PIEZO2: variants seen among roughly 807,000 people sequenced by gnomAD.
The protein encoded by PIEZO2 is piezo-type mechanosensitive ion channel component 2.
In PIEZO2, 172 loss-of-function variants were observed where a neutral mutation model predicts 337.3. The ratio of observed to expected loss-of-function variants is 0.51; its 90% CI spans 0.45 to 0.58. PIEZO2 has a LOEUF of 0.58. Ranked by LOEUF, PIEZO2 falls within the 20% of genes least tolerant of loss-of-function variation. The pLI, the probability that PIEZO2 is intolerant of heterozygous loss-of-function variation, is 0.00. For synonymous variants in PIEZO2, 1,251 were observed against 1,228.5 expected, an observed-to-expected ratio of 1.02 and a Z score of -0.38; for missense variants, 3,028 against 3,391.3, an observed-to-expected ratio of 0.89 and a Z score of 2.66.
chr18:11,053,203 C>A (rs2037592582), intron 2 of PIEZO2, among the ~76,000 whole-genome samples: 1 of 152,114 alleles, frequency 6.6e-6, no homozygotes, highest in African/African-American at 2.4e-5. Context: ...GGGCTATCAG[C>A]TCTTTAATGA....
At position 11,101,082 on chromosome 18, in the gene PIEZO2, A is replaced by G. The variant is rs2039407505; in HGVS notation, c.65-34860T>C. On this transcript the variant is annotated intron_variant, in intron 1 of 55. Transcript: ENST00000674853. The surrounding 1 kb of genome is among the most constrained non-coding windows in gnomAD (Gnocchi z 4.4). Reference sequence around the variant, plus strand: ...AATGGGCATGGCATCCCCAGGGGACAGATGAGTCCCATGTGGCCAGAGTCT... The same window carrying G: ...AATGGGCATGGCATCCCCAGGGGACGGATGAGTCCCATGTGGCCAGAGTCT... Among the ~76,000 whole-genome samples, 1 of 152,196 alleles carries G rather than the reference A, an allele frequency of 6.6e-6. No homozygotes were observed. Among genetic ancestry groups the G allele is most frequent in the African/African-American group, 2.4e-5 (1 of 41,464 alleles).
chr18:10,975,475 A>AG (rs778131986), intron 3 of PIEZO2, among the ~76,000 whole-genome samples: 4 of 151,936 alleles, frequency 2.6e-5, no homozygotes, highest in Non-Finnish European at 5.9e-5. Flanking sequence ...TCTGGAAATG[A>AG]GGGGAAAAAA....
At chr18:11,040,562 T>TA (rs2037085908) in intron 2 of PIEZO2, among the ~76,000 whole-genome samples, 1 of 152,236 alleles carries the variant, frequency 6.6e-6, no homozygotes, top group East Asian at 1.9e-4. Flanking sequence ...ATGTGAATGT[T>TA]ACGTAATTTT....
intron 45 of PIEZO2, among the ~76,000 whole-genome samples, chr18:10,697,503 T>A (rs1419043923): frequency 2.0e-5 from 3 of 152,232 alleles, no homozygotes; most frequent in Admixed American, 6.5e-5. Flanking sequence ...GCCCTTGAAA[T>A]GACCCATTTA....
intron 3 of PIEZO2, among the ~76,000 whole-genome samples, chr18:10,936,123 A>G (rs566446980): frequency 2.6e-5 from 4 of 152,172 alleles, no homozygotes; most frequent in Non-Finnish European, 5.9e-5. Flanking sequence ...GGAGATCACT[A>G]TTAGGGCTGT....
chr18:10,765,201 C>T (rs770188165), intron 21 of PIEZO2, among the ~76,000 whole-genome samples: 2 of 152,146 alleles, frequency 1.3e-5, no homozygotes, highest in African/African-American at 2.4e-5. Flanking sequence ...TGAGACCTGA[C>T]GAATAAACAG....
At chr18:10,858,869 T>C (rs1487932835) in intron 5 of PIEZO2, among the ~76,000 whole-genome samples, 1 of 152,184 alleles carries the variant, frequency 6.6e-6, no homozygotes, top group African/African-American at 2.4e-5. Flanking sequence ...TGACTTCTAC[T>C]GTATTTCATC....
At chr18:11,095,799 C>T (rs560235172) in intron 1 of PIEZO2, among the ~76,000 whole-genome samples, 37 of 152,226 alleles carry the variant, frequency 2.4e-4, no homozygotes, top group African/African-American at 8.2e-4. Flanking sequence ...TGAAATCCCC[C>T]GATGCAGATG....
At chr18:10,706,119 G>A (rs1330115635) in intron 40 of PIEZO2, among the ~76,000 whole-genome samples, 1 of 152,132 alleles carries the variant, frequency 6.6e-6, no homozygotes, top group East Asian at 1.9e-4. Flanking sequence ...TCAAGGAGGG[G>A]CATCTCTGGA....
rs1315980832 is a variant in PIEZO2, at chr18:10,813,444, A to G, written c.918-6170T>C. Among the ~76,000 whole-genome samples the G allele has an allele frequency of 6.6e-6, 1 of 152,132 alleles. No homozygotes were observed. The highest frequency in any genetic ancestry group is 1.5e-5 in the Non-Finnish European group (1 of 68,028). On this transcript the variant is annotated intron_variant, in intron 7 of 55. Coordinates refer to ENST00000674853, the MANE Select transcript of PIEZO2 (RefSeq NM_001378183.1). The surrounding 1 kb of genome is among the most constrained non-coding windows in gnomAD (Gnocchi z 4.2). ...CCCAGGCCCTGGAAACCACCATTGT[A>G]CTTTCTAAATCTGTGAATTTGACTA...
rs149395405 is a variant in PIEZO2, at chr18:10,671,590, T to C, written c.8535A>G (p.Lys2845=). Residue 2845 remains lysine, a synonymous_variant, in exon 56 of 56, where the codon AAA becomes AAG. Transcript: ENST00000674853. Reference sequence around the variant, plus strand: ...CTGGTGAGCGATATAGGAATATTAATTTGGCATAGAGATCTTCTTCTAGCT... The same window carrying C: ...CTGGTGAGCGATATAGGAATATTAACTTGGCATAGAGATCTTCTTCTAGCT... ...ELELEEDLYA[K]LIFLYRSPET... is the part of the protein sequence containing the mutation. The C allele has an allele frequency of 3.3e-4, 538 of 1,613,940 alleles. 1 individual carries two copies. Among genetic ancestry groups the C allele is most frequent in the Non-Finnish European group, 3.1e-4 (363 of 1,179,848 alleles).
At chr18:10,972,027 T>C (rs746994609) in intron 3 of PIEZO2, among the ~76,000 whole-genome samples, 51 of 152,166 alleles carry the variant, frequency 3.4e-4, no homozygotes, top group Admixed American at 9.8e-4. Flanking sequence ...GTGCGGTGGC[T>C]CACACCTGTG....
chr18:11,062,869 A>G (rs9797323), intron 2 of PIEZO2, among the ~76,000 whole-genome samples: 98,783 of 151,888 alleles, frequency 0.65, 32,798 homozygotes, highest in East Asian at 0.97. Flanking sequence ...TCAGGGATCT[A>G]GAACTAGAAA....
chr18:11,051,913 G>A (rs775550465), intron 2 of PIEZO2, among the ~76,000 whole-genome samples: 2 of 152,212 alleles, frequency 1.3e-5, no homozygotes, highest in African/African-American at 2.4e-5. Context: ...AACTGGAAAG[G>A]CTTGGTGAAG....
At chr18:10,886,118 C>A (rs923618746) in intron 4 of PIEZO2, among the ~76,000 whole-genome samples, 38 of 149,952 alleles carry the variant, frequency 2.5e-4, no homozygotes, top group Non-Finnish European at 4.4e-4. Context: ...GTGTGGTGAA[C>A]CAAGCAAGTG....
At chr18:10,764,551 C>T (rs571713677) in intron 21 of PIEZO2, among the ~76,000 whole-genome samples, 7 of 149,944 alleles carry the variant, frequency 4.7e-5, no homozygotes, top group Non-Finnish European at 1.0e-4. Flanking sequence ...GATCGTGCCA[C>T]TGCACTCCAG....
Position 10,862,225 on chromosome 18 carries a change from A to C in PIEZO2, c.493-5014T>G, listed in dbSNP as rs1452850427. 6.6e-6 allele frequency among the ~76,000 whole-genome samples: 1 copy of C among 152,154 alleles called. No homozygotes were observed. Among genetic ancestry groups the C allele is most frequent in the Non-Finnish European group, 1.5e-5 (1 of 68,034 alleles). ...ATATAATAGTTATTAGTCAGTTAAAAATAAAATAAAAATAATAGAATACTG... is the reference window on the plus strand; with the variant it reads ...ATATAATAGTTATTAGTCAGTTAAACATAAAATAAAAATAATAGAATACTG... On this transcript the variant is annotated intron_variant, in intron 5 of 55. Transcript: ENST00000674853. The surrounding 1 kb of genome is among the most constrained non-coding windows in gnomAD (Gnocchi z 4.4).
intron 1 of PIEZO2, among the ~76,000 whole-genome samples, chr18:11,103,960 G>T (rs983561047): frequency 2.6e-5 from 4 of 152,068 alleles, no homozygotes; most frequent in Non-Finnish European, 4.4e-5. Flanking sequence ...CGAGTAGCTG[G>T]AACTACAGGC....
At chr18:10,826,062 T>G (rs1165434997) in intron 7 of PIEZO2, among the ~76,000 whole-genome samples, 1 of 152,200 alleles carries the variant, frequency 6.6e-6, no homozygotes, top group Non-Finnish European at 1.5e-5. Context: ...ACTTTATTTA[T>G]TTTGTTCCTC....
Sources: gnomAD v4.1 joint callset for allele counts (sites outside exome capture counted in the v4.1 genomes callset) on GRCh38, gnomAD v4.1.1 for gene constraint, Gnocchi (gnomAD v3.1) non-coding constraint, MANE v1.5 for transcripts, NCBI Gene and HGNC (gene_info 2026-07-23, HGNC 2026-07-21) for gene names.